Variants in LGR5 observed in about 807,000 individuals in gnomAD.
LGR5 encodes leucine rich repeat containing G protein-coupled receptor 5, also known as leucine-rich repeat-containing G protein-coupled receptor 5.
Under a neutral mutation model 76.7 loss-of-function variants are expected in LGR5, and 54 were observed. That is an observed-to-expected ratio of 0.70 (90% CI 0.57 to 0.88). LGR5 has a LOEUF of 0.88. LGR5 is among the 40% of genes least tolerant of loss of function. LGR5 has a pLI of 0.00. For missense variants in LGR5, 1,078 were observed against 1,073.3 expected (o/e 1.00, Z -0.06); for synonymous variants, 406 against 421.9 (o/e 0.96, Z 0.46).
chr12:71,465,329 C>T (rs968942982), intron 1 of LGR5, among the ~76,000 whole-genome samples: 4 of 152,138 alleles, frequency 2.6e-5, no homozygotes, highest in South Asian at 2.1e-4. Context: ...CACAGTAAGG[C>T]GGTGCTACTC....
At chr12:71,510,936 T>G (rs1201123879) in intron 2 of LGR5, among the ~76,000 whole-genome samples, 6 of 150,878 alleles carry the variant, frequency 4.0e-5, no homozygotes, top group Admixed American at 1.3e-4. Context: ...TGGAGCAGAG[T>G]AAGAGAGAGG....
intron 3 of LGR5, among the ~76,000 whole-genome samples, chr12:71,534,606 A>G (rs567411612): frequency 3.3e-5 from 5 of 152,322 alleles, no homozygotes; most frequent in South Asian, 2.1e-4. Flanking sequence ...AAAGCCCTCC[A>G]TGAGATGGTC....
rs566794203 is a variant in LGR5 at position 71,495,985 on chromosome 12, C to T, written c.213-8629C>T. Among the ~76,000 whole-genome samples, 461 of 152,192 alleles carry T rather than the reference C, an allele frequency of 3.0e-3. 3 individuals are homozygous for T. Among genetic ancestry groups the T allele is most frequent in the South Asian group, 6.9e-3 (33 of 4,812 alleles). On this transcript the variant is annotated intron_variant, in intron 1 of 17. Coordinates refer to ENST00000266674, the MANE Select transcript of LGR5 (RefSeq NM_003667.4). ...AAGGGTATCCTGATGGTCAAAGTCA[C>T]GTGAAAAGATGCTCAGCTCTATGAG...
chr12:71,487,660 A>G (rs1163798591), intron 1 of LGR5, among the ~76,000 whole-genome samples: 1 of 152,142 alleles, frequency 6.6e-6, no homozygotes, highest in African/African-American at 2.4e-5. Context: ...CGATCCTCCC[A>G]CCTTAGCCTC....
intron 1 of LGR5, among the ~76,000 whole-genome samples, chr12:71,486,119 G>A (rs912274355): frequency 2.6e-5 from 4 of 152,044 alleles, no homozygotes; most frequent in African/African-American, 9.7e-5. Context: ...AATTTTTCAG[G>A]CCTTATCTAT....
chr12:71,494,341 G>T (rs1238190020), intron 1 of LGR5, among the ~76,000 whole-genome samples: 1 of 150,642 alleles, frequency 6.6e-6, no homozygotes, highest in Non-Finnish European at 1.5e-5. Flanking sequence ...ACCTCCCAAA[G>T]TGTTGAGATT....
intron 1 of LGR5, among the ~76,000 whole-genome samples, chr12:71,486,477 C>G (rs1315002360): frequency 6.6e-6 from 1 of 152,096 alleles, no homozygotes; most frequent in East Asian, 1.9e-4. Context: ...GCAAAATTTC[C>G]AGGAGCCATG....
rs1444114746 is a variant in LGR5, at chr12:71,459,397, G to C, written c.212+19105G>C. 2.6e-5 allele frequency among the ~76,000 whole-genome samples: 4 copies of C among 152,052 alleles called. No individual in the cohort carries two copies. The East Asian group carries it at 7.7e-4, about 29-fold the overall frequency. On this transcript the variant is annotated intron_variant, in intron 1 of 17. Transcript: ENST00000266674. Reference sequence around the variant, plus strand: ...GAGCCTGTACATTTTTCCTGCATTTGATGGGGAAGCCAGAAGCTGAGGGCC... The same window carrying C: ...GAGCCTGTACATTTTTCCTGCATTTCATGGGGAAGCCAGAAGCTGAGGGCC...
At chr12:71,476,949 A>G (rs1312431689) in intron 1 of LGR5, among the ~76,000 whole-genome samples, 4 of 152,344 alleles carry the variant, frequency 2.6e-5, no homozygotes. Context: ...TGTTTATCTC[A>G]AGTGACAGAA....
intron 1 of LGR5, among the ~76,000 whole-genome samples, chr12:71,458,461 G>T (rs1176082002): frequency 6.6e-6 from 1 of 152,094 alleles, no homozygotes; most frequent in East Asian, 1.9e-4. Flanking sequence ...AAAATAATTG[G>T]ATTTAGTTTT....
At chr12:71,579,079 G>A in intron 15 of LGR5, 150 bp downstream of exon 15, 1 of 627,196 alleles carries the variant, frequency 1.6e-6, no homozygotes. Flanking sequence ...GCATTGTTAG[G>A]ACAAGCCCTG....
intron 4 of LGR5, among the ~76,000 whole-genome samples, chr12:71,549,133 C>T (rs1877346883): frequency 1.3e-5 from 2 of 152,222 alleles, no homozygotes; most frequent in Non-Finnish European, 1.5e-5. Flanking sequence ...TCTGCCCTGT[C>T]AGCTGCTTTG....
chr12:71,575,056 AG>A (rs1323542746), intron 13 of LGR5, among the ~76,000 whole-genome samples: 1 of 152,214 alleles, frequency 6.6e-6, no homozygotes, highest in Admixed American at 6.5e-5. Context: ...CTGTGAAGTC[AG>A]TGTGCCTGCG....
At chr12:71,497,598 T>G (rs1218678240) in intron 1 of LGR5, among the ~76,000 whole-genome samples, 1 of 152,206 alleles carries the variant, frequency 6.6e-6, no homozygotes, top group Non-Finnish European at 1.5e-5. Flanking sequence ...CTTTTGAGAT[T>G]CACAAGAAGT....
At chr12:71,474,096 G>C (rs1209923521) in intron 1 of LGR5, among the ~76,000 whole-genome samples, 1 of 151,738 alleles carries the variant, frequency 6.6e-6, no homozygotes, top group Non-Finnish European at 1.5e-5. Context: ...TTCTTATTTG[G>C]CTTTTGAATG....
intron 1 of LGR5, among the ~76,000 whole-genome samples, chr12:71,503,779 T>C (rs1207088129): frequency 6.6e-6 from 1 of 152,206 alleles, no homozygotes; most frequent in African/African-American, 2.4e-5. Flanking sequence ...AAAATCTGAA[T>C]TGGTCTTGAT....
intron 1 of LGR5, among the ~76,000 whole-genome samples, chr12:71,466,628 T>A (rs1307103880): frequency 6.6e-6 from 1 of 152,010 alleles, no homozygotes; most frequent in African/African-American, 2.4e-5. Flanking sequence ...CCAAAAAAAA[T>A]TGATCCTATA....
intron 4 of LGR5, among the ~76,000 whole-genome samples, chr12:71,544,259 C>CTTT (rs3070150): frequency 9.7e-3 from 506 of 52,434 alleles, no homozygotes; most frequent in Middle Eastern, 0.034. Flanking sequence ...AGGGGAAATT[C>CTTT]TTTTTTTTTT....
At chr12:71,481,839 T>G (rs1365297527) in intron 1 of LGR5, among the ~76,000 whole-genome samples, 3 of 152,148 alleles carry the variant, frequency 2.0e-5, no homozygotes, top group Admixed American at 2.0e-4. Flanking sequence ...CTGGGGGGTA[T>G]TTTCTGTATA....
Sources: allele counts gnomAD v4.1 joint callset (sites outside exome capture counted in the v4.1 genomes callset), GRCh38; gene constraint gnomAD v4.1.1; transcripts MANE v1.5; gene names NCBI Gene and HGNC (gene_info 2026-07-23, HGNC 2026-07-21).